TRIM9: variants seen among roughly 807,000 people sequenced by gnomAD.
The protein encoded by TRIM9 is E3 ubiquitin-protein ligase TRIM9.
A neutral mutation model predicts 78.3 loss-of-function variants in TRIM9; 26 were observed. The ratio of observed to expected loss-of-function variants is 0.33; its 90% CI spans 0.24 to 0.46. TRIM9 has a LOEUF of 0.46. Ranked by LOEUF, TRIM9 falls within the 20% of genes least tolerant of loss-of-function variation. The pLI, the probability that TRIM9 is intolerant of heterozygous loss-of-function variation, is 1.00. For missense variants in TRIM9, 787 were observed against 1,036.4 expected (o/e 0.76, Z 3.30); for synonymous variants, 398 against 416.5 (o/e 0.96, Z 0.54).
chr14:51,014,141 T>A (rs943910734), intron 3 of TRIM9, among the ~76,000 whole-genome samples: 1 of 152,230 alleles, frequency 6.6e-6, no homozygotes, highest in Non-Finnish European at 1.5e-5. Context: ...AGGATTCAGT[T>A]CAATGATGCA....
intron 3 of TRIM9, among the ~76,000 whole-genome samples, chr14:51,012,054 T>G (rs73288853): frequency 6.6e-6 from 1 of 152,242 alleles, no homozygotes; most frequent in Non-Finnish European, 1.5e-5. Flanking sequence ...TTGTTCTTAA[T>G]GTGTTATTGT....
At chr14:51,028,408 A>G (rs766379620) in intron 1 of TRIM9, among the ~76,000 whole-genome samples, 18 of 152,220 alleles carry the variant, frequency 1.2e-4, no homozygotes, top group African/African-American at 2.4e-5. Context: ...ATAGGTTGGT[A>G]TTTTAATCAC....
At chr14:51,082,797 C>A (rs2063419646) in intron 1 of TRIM9, among the ~76,000 whole-genome samples, 1 of 152,120 alleles carries the variant, frequency 6.6e-6, no homozygotes, top group Non-Finnish European at 1.5e-5. Context: ...ACTTGTTGTT[C>A]CCATATAAGA....
chr14:51,060,635 T>G (rs1269787635), intron 1 of TRIM9, among the ~76,000 whole-genome samples: 4 of 152,052 alleles, frequency 2.6e-5, no homozygotes, highest in Admixed American at 2.6e-4. Flanking sequence ...CCCGGCTAAT[T>G]TTTTTGTATT....
rs574097095 is a variant in TRIM9 at position 51,034,418 on chromosome 14, G to A, written c.823-9058C>T. 1.1e-4 allele frequency among the ~76,000 whole-genome samples: 17 copies of A among 152,140 alleles called. No homozygotes were observed. In the South Asian group the frequency reaches 3.1e-3, roughly 28 times the overall value. ...GGTAAATTTTAAAAAATGAGATTCC[G>A]TTCTTTGCTTATCAGATTACAAAAA... is the stretch of plus-strand genomic sequence containing the variant. On this transcript the variant is annotated intron_variant, in intron 1 of 12. Coordinates refer to ENST00000684578, the MANE Select transcript of TRIM9 (RefSeq NM_001387360.1).
intron 7 of TRIM9, among the ~76,000 whole-genome samples, chr14:50,992,908 C>G (rs1433677081): frequency 1.3e-5 from 2 of 152,132 alleles, no homozygotes; most frequent in Non-Finnish European, 2.9e-5. Context: ...TAAAACAATC[C>G]TGAAAAATGC....
At chr14:50,996,935 G>T (rs755907234) in intron 7 of TRIM9, 1 of 985,380 alleles carries the variant, frequency 1.0e-6, no homozygotes, top group Non-Finnish European at 1.2e-6. Flanking sequence ...TCAAAATTGT[G>T]CTTGTTTTTA....
At chr14:50,981,013 T>A (rs1172720846) in intron 11 of TRIM9, among the ~76,000 whole-genome samples, 1 of 151,568 alleles carries the variant, frequency 6.6e-6, no homozygotes, top group Non-Finnish European at 1.5e-5. Flanking sequence ...CTAATGAGAA[T>A]GTATCCTGGG....
In TRIM9 at chr14:51,015,505, C is replaced by CTTTTTTTTTTTT. The variant is rs369652663; in HGVS notation, c.1042-5023_1042-5012dup. Among the ~76,000 whole-genome samples the CTTTTTTTTTTTT allele has an allele frequency of 3.8e-4, 23 of 61,326 alleles. 2 individuals are homozygous for CTTTTTTTTTTTT. The highest frequency in any genetic ancestry group is 1.0e-3 in the African/African-American group (15 of 14,668). The allele number at this position is 61,326 out of a possible 152,430, so 40.2% of individuals were successfully genotyped here. The stretch of plus-strand genomic sequence containing the variant: ...AATGCTTTTTTCTTTCTTTACTTTT[C>CTTTTTTTTTTTT]TTTTTTTTTTTTTTTTTTTTTTTTT... On this transcript the variant is annotated intron_variant, in intron 3 of 12. Transcript: ENST00000684578.
chr14:51,037,294 GTAGGTTAGC>G (rs1286102677), intron 1 of TRIM9, among the ~76,000 whole-genome samples: 2 of 152,162 alleles, frequency 1.3e-5, no homozygotes, highest in African/African-American at 4.8e-5. Flanking sequence ...ATATGATTGT[GTAGGTTAGC>G]TAGGAAACCC....
intron 3 of TRIM9, among the ~76,000 whole-genome samples, chr14:51,011,434 C>T (rs1244044773): frequency 6.6e-6 from 1 of 152,122 alleles, no homozygotes; most frequent in Admixed American, 6.5e-5. Context: ...TGAAGTAATC[C>T]TCCTATCTCA....
chr14:51,046,627 GA>G (rs1416704007), intron 1 of TRIM9, among the ~76,000 whole-genome samples: 1 of 152,114 alleles, frequency 6.6e-6, no homozygotes, highest in Non-Finnish European at 1.5e-5. Context: ...CATTCTCAGA[GA>G]AAAATAAGGT....
chr14:50,998,277 A>G, intron 6 of TRIM9, 89 bp from the exon 7 acceptor site: 6 of 1,246,074 alleles, frequency 4.8e-6, no homozygotes, highest in Non-Finnish European at 5.7e-6. Flanking sequence ...TAGGAGCAAG[A>G]GCCCTGGTGT....
intron 1 of TRIM9, among the ~76,000 whole-genome samples, chr14:51,075,374 A>G (rs997067828): frequency 2.6e-5 from 4 of 152,180 alleles, no homozygotes; most frequent in Non-Finnish European, 5.9e-5. Flanking sequence ...TTTAAAAAAA[A>G]TGTTTTAAAG....
At chr14:51,023,088 A>T (rs2057911049) in intron 2 of TRIM9, 131 bp from the exon 3 acceptor site, 5 of 1,247,170 alleles carry the variant, frequency 4.0e-6, no homozygotes, top group Admixed American at 2.5e-5. Flanking sequence ...TGGTAATTTT[A>T]AAAAAATAAC....
chr14:51,044,914 C>T (rs556914662), intron 1 of TRIM9, among the ~76,000 whole-genome samples: 3 of 152,246 alleles, frequency 2.0e-5, no homozygotes, highest in Admixed American at 6.5e-5. Context: ...TAAGAAAGAA[C>T]AATCCAGGCT....
chr14:51,007,646 G>T (rs1340116972), intron 5 of TRIM9, among the ~76,000 whole-genome samples: 2 of 152,156 alleles, frequency 1.3e-5, no homozygotes, highest in African/African-American at 4.8e-5. Flanking sequence ...AATAAAATGA[G>T]TTATACGTAG....
At chr14:50,997,399 G>A in intron 7 of TRIM9, 1 of 985,464 alleles carries the variant, frequency 1.0e-6, no homozygotes, top group Non-Finnish European at 1.2e-6. Context: ...GACTGGCAAA[G>A]ATGAAAATGG....
chr14:51,070,834 G>A (rs1280582533), intron 1 of TRIM9, among the ~76,000 whole-genome samples: 1 of 152,092 alleles, frequency 6.6e-6, no homozygotes, highest in Admixed American at 6.6e-5. Flanking sequence ...GACCAAATAT[G>A]CACATCTTGC....
Sources: allele counts gnomAD v4.1 joint callset (sites outside exome capture counted in the v4.1 genomes callset), GRCh38; gene constraint gnomAD v4.1.1; transcripts MANE v1.5; gene names NCBI Gene and HGNC (gene_info 2026-07-23, HGNC 2026-07-21).